The following FRS2 variants were observed in gnomAD, a reference collection of about 807,000 sequenced individuals.
The protein encoded by FRS2 is FGFR signalling adaptor.
FRS2 carries 8 observed loss-of-function variants against 43.9 expected under a neutral mutation model. That is an observed-to-expected ratio of 0.18 (90% CI 0.11 to 0.33). FRS2 has a LOEUF of 0.33. Among genes scored for constraint, FRS2 ranks in the 10% least tolerant of loss-of-function variants. The probability of loss-of-function intolerance (pLI) is 1.00; values close to 1 mark genes in which losing one functional copy is unlikely to be tolerated. For missense variants in FRS2, 534 were observed against 627.6 expected, an observed-to-expected ratio of 0.85 and a Z score of 1.59; for synonymous variants, 219 against 220.3, an observed-to-expected ratio of 0.99 and a Z score of 0.05.
chr12:69,517,006 A>G (rs1224676766), intron 1 of FRS2, among the ~76,000 whole-genome samples: 4 of 152,214 alleles, frequency 2.6e-5, no homozygotes, highest in Non-Finnish European at 5.9e-5. Context: ...CACCAACATG[A>G]TGCTACAGTG....
chr12:69,550,733 C>A (rs1878801162), intron 3 of FRS2, among the ~76,000 whole-genome samples: 1 of 152,140 alleles, frequency 6.6e-6, no homozygotes, highest in East Asian at 1.9e-4. Flanking sequence ...ACTGCACTTT[C>A]TATTTAGAAG....
chr12:69,550,388 T>C (rs1878769923), intron 3 of FRS2, among the ~76,000 whole-genome samples: 1 of 152,122 alleles, frequency 6.6e-6, no homozygotes, highest in African/African-American at 2.4e-5. Flanking sequence ...CCATATGAAG[T>C]GTAGGGAGTG....
chr12:69,479,278 C>A (rs1014538871), intron 1 of FRS2, among the ~76,000 whole-genome samples: 1 of 151,850 alleles, frequency 6.6e-6, no homozygotes, highest in Admixed American at 6.6e-5. Flanking sequence ...TCTAGATTAG[C>A]AGTTGTTTTT....
chr12:69,557,986 A>G (rs1371941025), intron 3 of FRS2: 1 of 150,770 alleles, frequency 6.6e-6, no homozygotes, highest in Non-Finnish European at 1.5e-5. Context: ...TGTTTTATAT[A>G]TATGTGTGTG....
intron 3 of FRS2, among the ~76,000 whole-genome samples, chr12:69,550,170 A>G (rs892667461): frequency 9.9e-5 from 15 of 152,184 alleles, no homozygotes; most frequent in African/African-American, 3.4e-4. Flanking sequence ...CCCTGGCTCA[A>G]TGTATGTACT....
intron 8 of FRS2, 57 bp from the exon 9 acceptor site, chr12:69,573,948 T>C (rs943448488): frequency 1.7e-6 from 2 of 1,176,132 alleles, no homozygotes; most frequent in Non-Finnish European, 2.4e-6. Context: ...GGTCAGGCTT[T>C]TTTTCAGTTT....
chr12:69,572,344 A>C (rs1041142864), intron 8 of FRS2, 63 bp downstream of exon 8: 8 of 1,248,826 alleles, frequency 6.4e-6, no homozygotes, highest in African/African-American at 1.5e-5. Flanking sequence ...TCACTGTGCT[A>C]ATACTGGAAG....
At chr12:69,514,700 G>T (rs894410596) in intron 1 of FRS2, among the ~76,000 whole-genome samples, 2 of 152,108 alleles carry the variant, frequency 1.3e-5, no homozygotes, top group African/African-American at 4.8e-5. Context: ...AAGCGTGTTG[G>T]TGTGTGCCTG....
intron 1 of FRS2, among the ~76,000 whole-genome samples, chr12:69,498,571 C>A (rs1044537217): frequency 9.2e-6 from 1 of 108,490 alleles, no homozygotes; most frequent in African/African-American, 3.9e-5. Context: ...TTGTTTGTTT[C>A]GTTTTTTTTT....
At chr12:69,523,189 C>T (rs935729040) in intron 1 of FRS2, among the ~76,000 whole-genome samples, 1 of 152,182 alleles carries the variant, frequency 6.6e-6, no homozygotes, top group Non-Finnish European at 1.5e-5. Flanking sequence ...GTTAAAGCCT[C>T]ATACTTATTA....
chr12:69,536,098 ATTC>A (rs1877249728), intron 3 of FRS2, among the ~76,000 whole-genome samples: 1 of 41,660 alleles, frequency 2.4e-5, no homozygotes, highest in Non-Finnish European at 4.8e-5. Context: ...TAGTATTTTC[ATTC>A]TTTTTTTTTT....
At chr12:69,524,158 G>A (rs984416417) in intron 1 of FRS2, among the ~76,000 whole-genome samples, 1 of 152,160 alleles carries the variant, frequency 6.6e-6, no homozygotes, top group Non-Finnish European at 1.5e-5. Context: ...TTTTGGGCAG[G>A]CAGCAGTGTC....
chr12:69,545,421 G>T (rs1878286821), intron 3 of FRS2, among the ~76,000 whole-genome samples: 2 of 152,090 alleles, frequency 1.3e-5, no homozygotes, highest in Non-Finnish European at 2.9e-5. Flanking sequence ...CATGGTATTG[G>T]CATAAATTTA....
intron 1 of FRS2, among the ~76,000 whole-genome samples, chr12:69,529,050 A>G (rs1158740049): frequency 1.3e-5 from 2 of 152,122 alleles, no homozygotes; most frequent in African/African-American, 4.8e-5. Context: ...GGGCCTTTGT[A>G]AGGAGTCTGG....
intron 3 of FRS2, among the ~76,000 whole-genome samples, chr12:69,555,213 T>C (rs1392667867): frequency 6.6e-6 from 1 of 151,798 alleles, no homozygotes; most frequent in Non-Finnish European, 1.5e-5. Context: ...CCTGGCTAAT[T>C]TTTGTATTTT....
At chr12:69,556,050 G>T (rs934176244) in intron 3 of FRS2, among the ~76,000 whole-genome samples, 1 of 150,146 alleles carries the variant, frequency 6.7e-6, no homozygotes, top group Admixed American at 6.6e-5. Flanking sequence ...CATTTCATGT[G>T]CACATAGTCA....
intron 1 of FRS2, 120 bp downstream of exon 1, chr12:69,470,650 A>T: frequency 6.1e-6 from 1 of 164,782 alleles, no homozygotes; most frequent in Non-Finnish European, 1.3e-5. Context: ...CGTCCGGGGA[A>T]GGGGATTGTC....
At chr12:69,541,944 A>G (rs73341767) in intron 3 of FRS2, among the ~76,000 whole-genome samples, 1,562 of 152,184 alleles carry the variant, frequency 0.01, 22 homozygotes, top group African/African-American at 0.036. Context: ...AATTCTAACA[A>G]ATTTTTTATA....
chr12:69,513,462 A>G (rs928100585), intron 1 of FRS2, among the ~76,000 whole-genome samples: 2 of 152,158 alleles, frequency 1.3e-5, no homozygotes, highest in Non-Finnish European at 2.9e-5. Flanking sequence ...GATGAGTAAT[A>G]AAATTAACAG....
Sources: allele counts gnomAD v4.1 joint callset (sites outside exome capture counted in the v4.1 genomes callset), GRCh38; gene constraint gnomAD v4.1.1; transcripts MANE v1.5; gene names NCBI Gene and HGNC (gene_info 2026-07-23, HGNC 2026-07-21).